The following HSH2D variants were observed in gnomAD, a reference collection of about 807,000 sequenced individuals.
HSH2D encodes hematopoietic SH2 domain-containing protein.
A neutral mutation model predicts 21.5 loss-of-function variants in HSH2D; 16 were observed. The observed-to-expected ratio is 0.74, with a 90% CI of 0.50 to 1.13. The LOEUF is 1.13. HSH2D is among the 50% of genes most tolerant of loss of function. The probability of loss-of-function intolerance (pLI) is 0.00; values close to 1 mark genes in which losing one functional copy is unlikely to be tolerated. For missense variants in HSH2D, 418 were observed against 441.4 expected, an observed-to-expected ratio of 0.95 and a Z score of 0.47; for synonymous variants, 172 against 184.7, an observed-to-expected ratio of 0.93 and a Z score of 0.56.
chr19:16,147,483 C>CAA (rs1033691785), intron 1 of HSH2D, among the ~76,000 whole-genome samples: 19 of 61,676 alleles, frequency 3.1e-4, no homozygotes, highest in Non-Finnish European at 4.3e-4. Flanking sequence ...GACCCTGTCT[C>CAA]AAAAAAAAAA....
At chr19:16,145,936 C>T (rs1171338065) in intron 1 of HSH2D, among the ~76,000 whole-genome samples, 4 of 151,968 alleles carry the variant, frequency 2.6e-5, no homozygotes, top group South Asian at 2.1e-4. Flanking sequence ...ATGATCCAGG[C>T]GTGGTGGCAC....
chr19:16,142,454 TTGG>T (rs976811659), upstream of HSH2D, among the ~76,000 whole-genome samples: 1 of 152,142 alleles, frequency 6.6e-6, no homozygotes, highest in African/African-American at 2.4e-5. Context: ...TTTGTTTTGT[TTGG>T]TTTTCGTTGG....
At chr19:16,151,380 C>A in intron 2 of HSH2D, 9 of 287,908 alleles carry the variant, frequency 3.1e-5, no homozygotes, top group South Asian at 8.2e-5. Flanking sequence ...TAACAGCAAA[C>A]ATTTTGGGAG....
Position 16,152,990 on chromosome 19 carries a change from G to A in HSH2D, c.216-53G>A, listed in dbSNP as rs563478367. On this transcript the variant is annotated intron_variant, in intron 3 of 5. Coordinates refer to ENST00000613986, the MANE Select transcript of HSH2D (RefSeq NM_001382417.1). ...CTGCCGGCCCAAGGGCTGGGGACTTGGGGCAGGGATGAGGGGGAGTAGGAT... is the reference window on the plus strand; with the variant it reads ...CTGCCGGCCCAAGGGCTGGGGACTTAGGGCAGGGATGAGGGGGAGTAGGAT... The A allele has an allele frequency of 4.4e-6, 7 of 1,575,422 alleles. No homozygotes were observed. The African/African-American group carries it at 8.1e-5, about 18-fold the overall frequency.
intron 1 of HSH2D, among the ~76,000 whole-genome samples, chr19:16,137,145 GTTTC>G (rs1259404081): frequency 1.3e-5 from 2 of 152,094 alleles, no homozygotes; most frequent in Non-Finnish European, 2.9e-5. Context: ...ACTGAACTTA[GTTTC>G]CTCTCTTGCA....
At chr19:16,145,887 C>T (rs2091061442) in intron 1 of HSH2D, among the ~76,000 whole-genome samples, 1 of 151,914 alleles carries the variant, frequency 6.6e-6, no homozygotes, top group Admixed American at 6.6e-5. Flanking sequence ...ACCAGCCTGG[C>T]CAACATGGTG....
intron 1 of HSH2D, among the ~76,000 whole-genome samples, chr19:16,137,576 C>CA (rs78977060): frequency 0.043 from 4,434 of 102,252 alleles, 243 homozygotes; most frequent in African/African-American, 0.14. Context: ...GACTCCGTCT[C>CA]AAAAAAAAAA....
At chr19:16,151,537 A>G in intron 2 of HSH2D, 1 of 456,062 alleles carries the variant, frequency 2.2e-6, no homozygotes, top group Non-Finnish European at 4.4e-6. Context: ...GCTGATGGAC[A>G]GTAGAGCTGG....
chr19:16,147,521 G>C (rs537543689), intron 1 of HSH2D, among the ~76,000 whole-genome samples: 7 of 150,296 alleles, frequency 4.7e-5, no homozygotes, highest in Admixed American at 4.0e-4. Flanking sequence ...AATGGCATAA[G>C]AAGAATAAAA....
At chr19:16,138,601 G>T (rs531704828) in intron 1 of HSH2D, among the ~76,000 whole-genome samples, 1 of 152,008 alleles carries the variant, frequency 6.6e-6, no homozygotes, top group Non-Finnish European at 1.5e-5. Flanking sequence ...GGGACTACAG[G>T]CGTGCGCCAC....
chr19:16,138,944 C>T (rs151330366), upstream of HSH2D, among the ~76,000 whole-genome samples: 73 of 151,870 alleles, frequency 4.8e-4, no homozygotes, highest in African/African-American at 1.7e-3. Context: ...CTGCAACCTC[C>T]ATCTCCCAGT....
intron 1 of HSH2D, among the ~76,000 whole-genome samples, chr19:16,138,636 T>C (rs1053067932): frequency 6.6e-6 from 1 of 152,020 alleles, no homozygotes; most frequent in Non-Finnish European, 1.5e-5. Flanking sequence ...TTTTGTATTT[T>C]TGGTAGAGAC....
chr19:16,154,568 G>A (rs2091213896), intron 5 of HSH2D, 77 bp downstream of exon 5: 1 of 837,948 alleles, frequency 1.2e-6, no homozygotes, highest in Non-Finnish European at 1.9e-6. Flanking sequence ...GCTTCCAGAG[G>A]AGGCTCCTTC....
intron 2 of HSH2D, 99 bp from the exon 3 acceptor site, chr19:16,152,453 T>A (rs2091171716): frequency 1.2e-5 from 7 of 593,294 alleles, no homozygotes; most frequent in African/African-American, 1.9e-5. Context: ...AAATGAAAAC[T>A]ACCAGCCTTC....
chr19:16,148,432 A>G (rs2091101429), intron 1 of HSH2D, among the ~76,000 whole-genome samples: 1 of 152,122 alleles, frequency 6.6e-6, no homozygotes, highest in Non-Finnish European at 1.5e-5. Flanking sequence ...TACAGGCGTG[A>G]GCCACCGCAC....
chr19:16,142,149 G>A (rs2091005352), upstream of HSH2D: 1 of 152,174 alleles, frequency 6.6e-6, no homozygotes, highest in African/African-American at 2.4e-5. Flanking sequence ...AAGTCCTGGT[G>A]TGGACCTATG....
chr19:16,149,499 G>C (rs186332144), intron 2 of HSH2D, among the ~76,000 whole-genome samples: 1 of 151,728 alleles, frequency 6.6e-6, no homozygotes, highest in Non-Finnish European at 1.5e-5. Context: ...CACCGCACCC[G>C]GCCAGAATCT....
At chr19:16,138,650 G>T (rs1347712125) in intron 1 of HSH2D, among the ~76,000 whole-genome samples, 2 of 152,034 alleles carry the variant, frequency 1.3e-5, no homozygotes, top group African/African-American at 4.8e-5. Flanking sequence ...TAGAGACAGG[G>T]TTTCACCATG....
At chr19:16,154,529 C>G (rs1284369364) in intron 5 of HSH2D, 38 bp downstream of exon 5, 3 of 1,366,040 alleles carry the variant, frequency 2.2e-6, no homozygotes, top group Admixed American at 2.0e-5. Context: ...TCCCACCTGG[C>G]TGAGGGGCAG....
Sources: gnomAD v4.1 joint callset for allele counts (sites outside exome capture counted in the v4.1 genomes callset) on GRCh38, gnomAD v4.1.1 for gene constraint, MANE v1.5 for transcripts, NCBI Gene and HGNC (gene_info 2026-07-23, HGNC 2026-07-21) for gene names.